Variants in FBRSL1 observed in about 807,000 individuals in gnomAD.
FBRSL1 encodes fibrosin like 1.
Under a neutral mutation model 89.6 loss-of-function variants are expected in FBRSL1, and 51 were observed. The ratio of observed to expected loss-of-function variants is 0.57; its 90% CI spans 0.45 to 0.72. The LOEUF is 0.72. FBRSL1 is among the 30% of genes least tolerant of loss of function. The pLI, the probability that FBRSL1 is intolerant of heterozygous loss-of-function variation, is 0.00. For missense variants in FBRSL1, 1,618 were observed against 1,451.8 expected (o/e 1.11, Z -1.86); for synonymous variants, 779 against 681.1 (o/e 1.14, Z -2.24).
chr12:132,535,285 T>C (rs1566159388), intron 4 of FBRSL1, among the ~76,000 whole-genome samples: 1 of 152,232 alleles, frequency 6.6e-6, no homozygotes, highest in Non-Finnish European at 1.5e-5. Context: ...GGGGGCCATC[T>C]TTTATTCATT....
chr12:132,573,009 G>A (rs1201017719), intron 11 of FBRSL1, among the ~76,000 whole-genome samples: 4 of 152,170 alleles, frequency 2.6e-5, no homozygotes, highest in Admixed American at 6.5e-5. Context: ...AGGTTCTTAC[G>A]GGGCCGTCCA....
At chr12:132,500,874 GGCCCCT>G (rs1478631870) in intron 1 of FBRSL1, among the ~76,000 whole-genome samples, 3 of 152,178 alleles carry the variant, frequency 2.0e-5, no homozygotes, top group African/African-American at 7.2e-5. Context: ...CACAGCCCTT[GGCCCCT>G]GCCCCAGTTG....
intron 4 of FBRSL1, among the ~76,000 whole-genome samples, chr12:132,533,166 A>C (rs1397838063): frequency 2.0e-5 from 3 of 148,526 alleles, no homozygotes; most frequent in Admixed American, 2.0e-4. Context: ...AGAGAGCTGC[A>C]GTCTCCTCCC....
At chr12:132,527,163 C>T (rs768588573) in intron 3 of FBRSL1, among the ~76,000 whole-genome samples, 1 of 152,102 alleles carries the variant, frequency 6.6e-6, no homozygotes, top group African/African-American at 2.4e-5. Context: ...GGTACCTCCT[C>T]CCGGAAGCCT....
intron 1 of FBRSL1, among the ~76,000 whole-genome samples, chr12:132,504,629 G>A (rs1434620617): frequency 3.3e-5 from 5 of 152,174 alleles, no homozygotes; most frequent in South Asian, 2.1e-4. Flanking sequence ...CAAGGCCTCC[G>A]CTGCCTCAGC....
intron 2 of FBRSL1, among the ~76,000 whole-genome samples, chr12:132,518,609 CCCGTCTATCCAT>C (rs1016226106): frequency 6.0e-5 from 9 of 150,690 alleles, no homozygotes; most frequent in African/African-American, 2.0e-4. Flanking sequence ...CATCCATCCA[CCCGTCTATCCAT>C]GCATCCACCC....
chr12:132,556,794 G>C (rs12829240), intron 5 of FBRSL1, among the ~76,000 whole-genome samples: 426 of 101,176 alleles, frequency 4.2e-3, no homozygotes, highest in East Asian at 0.014. Context: ...CCAGGCCTTC[G>C]TGCTGCACCC....
intron 5 of FBRSL1, among the ~76,000 whole-genome samples, chr12:132,564,316 TCCCAC>T (rs1371618025): frequency 6.6e-6 from 1 of 152,126 alleles, no homozygotes; most frequent in Non-Finnish European, 1.5e-5. Flanking sequence ...GGGAAGCAGC[TCCCAC>T]AGTGAGGACC....
chr12:132,569,040 G>A (rs573189388), intron 6 of FBRSL1, among the ~76,000 whole-genome samples: 8 of 152,280 alleles, frequency 5.3e-5, no homozygotes, highest in South Asian at 4.1e-4. Flanking sequence ...GGAGGCATGC[G>A]GCACGTGGAA....
intron 11 of FBRSL1, 23 bp downstream of exon 11, chr12:132,572,645 G>T (rs1185394910): frequency 1.3e-6 from 2 of 1,518,486 alleles, no homozygotes; most frequent in South Asian, 1.2e-5. Flanking sequence ...CTGGCAGGTG[G>T]GGCGGGCACA....
intron 5 of FBRSL1, among the ~76,000 whole-genome samples, chr12:132,559,118 G>A (rs1353797209): frequency 3.3e-5 from 5 of 152,242 alleles, no homozygotes; most frequent in South Asian, 2.1e-4. Context: ...GCCTCGATCC[G>A]AGTTCTAGCG....
chr12:132,497,563 C>G (rs1026622822), intron 1 of FBRSL1, among the ~76,000 whole-genome samples: 3 of 152,162 alleles, frequency 2.0e-5, no homozygotes, highest in Non-Finnish European at 4.4e-5. Context: ...CCAGGACCCC[C>G]TCTGGCCTCA....
chr12:132,577,888 C>G (rs2138063029), intron 15 of FBRSL1, among the ~76,000 whole-genome samples: 1 of 152,364 alleles, frequency 6.6e-6, no homozygotes, highest in South Asian at 2.1e-4. Context: ...CTGCACGGTG[C>G]ACGCCTTTCT....
intron 5 of FBRSL1, chr12:132,566,387 C>T (rs1393540095): frequency 7.0e-6 from 1 of 142,968 alleles, no homozygotes; most frequent in Non-Finnish European, 1.5e-5. Context: ...GAATCCACAA[C>T]TCAATGAAGC....
chr12:132,505,329 G>A (rs1172174661), intron 1 of FBRSL1, among the ~76,000 whole-genome samples: 2 of 152,178 alleles, frequency 1.3e-5, no homozygotes, highest in Admixed American at 1.3e-4. Context: ...GCATCCTTGG[G>A]GTGTGGTGGT....
chr12:132,553,748 G>C (rs1267972285), intron 5 of FBRSL1: 1 of 152,294 alleles, frequency 6.6e-6, no homozygotes, highest in African/African-American at 2.4e-5. Context: ...TCGGGGCAAT[G>C]GGAGTGCGAG....
chr12:132,504,839 C>T (rs894047954), intron 1 of FBRSL1, among the ~76,000 whole-genome samples: 2 of 152,122 alleles, frequency 1.3e-5, no homozygotes, highest in South Asian at 2.1e-4. Flanking sequence ...ATTAGATAAG[C>T]GGGGCCCAGG....
chr12:132,562,628 A>G (rs2039229481), intron 5 of FBRSL1, among the ~76,000 whole-genome samples: 1 of 66,750 alleles, frequency 1.5e-5, no homozygotes, highest in African/African-American at 7.0e-5. Context: ...GGAGCTCAGC[A>G]TCCCTTCCCA....
At chr12:132,526,873 G>T (rs1164755537) in intron 3 of FBRSL1, among the ~76,000 whole-genome samples, 1 of 152,108 alleles carries the variant, frequency 6.6e-6, no homozygotes, top group Non-Finnish European at 1.5e-5. Context: ...TCCTGCTGGG[G>T]GAGGCCCTGG....
Sources: allele counts gnomAD v4.1 joint callset (sites outside exome capture counted in the v4.1 genomes callset), GRCh38; gene constraint gnomAD v4.1.1; transcripts MANE v1.5; gene names NCBI Gene and HGNC (gene_info 2026-07-23, HGNC 2026-07-21).